CUL3: variants seen among roughly 807,000 people sequenced by gnomAD.
The protein encoded by CUL3 is cullin-3.
A neutral mutation model predicts 89.1 loss-of-function variants in CUL3; 19 were observed. The observed-to-expected ratio is 0.21, with a 90% CI of 0.15 to 0.31. The LOEUF (loss-of-function observed/expected upper bound fraction) is 0.31, where lower values mean the gene tolerates loss of function less well. Ranked by LOEUF, CUL3 falls within the 10% of genes least tolerant of loss-of-function variation. The pLI, the probability that CUL3 is intolerant of heterozygous loss-of-function variation, is 1.00. For synonymous variants in CUL3, 351 were observed against 308.4 expected (o/e 1.14, Z -1.45); for missense variants, 469 against 942.3 (o/e 0.50, Z 6.58).
intron 2 of CUL3, 140 bp downstream of exon 2, chr2:224,557,519 C>T: frequency 2.0e-6 from 1 of 495,624 alleles, no homozygotes; most frequent in East Asian, 3.1e-5. Context: ...TTCATGAGTG[C>T]TTATTAACAG....
In CUL3 at chr2:224,473,202, G is replaced by GTCA. The variant is rs879260680; in HGVS notation, c.*1040_*1042dup. On this transcript the variant is annotated 3_prime_UTR_variant, in exon 16 of 16. Transcript: ENST00000264414. ...TGAAGATTTCATTAAAACTATCAAGGTCATCATATTTATTGCATCTTTAGA... is the reference window on the plus strand; with the variant it reads ...TGAAGATTTCATTAAAACTATCAAGGTCATCATCATATTTATTGCATCTTTAGA... 1 of 195,246 alleles carries GTCA rather than the reference G, an allele frequency of 5.1e-6. No homozygotes were observed. Among genetic ancestry groups the GTCA allele is most frequent in the Non-Finnish European group, 1.1e-5 (1 of 93,634 alleles). The allele number at this position is 195,246 out of a possible 1,614,324, so 12.1% of individuals were successfully genotyped here.
chr2:224,513,417 C>T (rs751173222), intron 5 of CUL3, 107 bp downstream of exon 5: 9 of 748,072 alleles, frequency 1.2e-5, no homozygotes, highest in Non-Finnish European at 1.5e-5. Context: ...ACTCCCCTCC[C>T]TTAATGGGTC....
intron 1 of CUL3, among the ~76,000 whole-genome samples, chr2:224,567,846 T>A (rs577393740): frequency 5.3e-5 from 8 of 151,978 alleles, no homozygotes; most frequent in African/African-American, 1.9e-4. Context: ...AAAATAAACA[T>A]AGGCACACCA....
intron 15 of CUL3, 133 bp from the exon 16 acceptor site, chr2:224,474,509 A>C: frequency 1.4e-6 from 1 of 707,954 alleles, no homozygotes; most frequent in Non-Finnish European, 2.3e-6. Context: ...AAGCACAGAA[A>C]CTTTAAAAAG....
chr2:224,473,992 A>G lies in CUL3; in HGVS notation c.*253T>C, dbSNP rs1574604571. ...CTGTTTTCATACAGTAAAGAAAACA[A>G]AACGCAGCACATTCACATTTTCCCG... On this transcript the variant is annotated 3_prime_UTR_variant, in exon 16 of 16. Coordinates refer to ENST00000264414, the MANE Select transcript of CUL3 (RefSeq NM_003590.5). 1 of 314,800 alleles carries G rather than the reference A, an allele frequency of 3.2e-6. No homozygotes were observed. Among genetic ancestry groups the G allele is most frequent in the East Asian group, 4.7e-5 (1 of 21,462 alleles). 19.5% of individuals were successfully genotyped at this position (314,800 alleles called of 1,614,324 possible).
At chr2:224,508,961 C>A (rs868211033) in intron 6 of CUL3, among the ~76,000 whole-genome samples, 188 of 112,844 alleles carry the variant, frequency 1.7e-3, no homozygotes, top group East Asian at 4.4e-3. Flanking sequence ...GACTTCGTCT[C>A]AAAAAAAAAA....
At chr2:224,496,058 T>C (rs1260714429) in intron 12 of CUL3, 92 bp from the exon 13 acceptor site, 1 of 1,372,088 alleles carries the variant, frequency 7.3e-7, no homozygotes, top group East Asian at 2.4e-5. Context: ...TGTTACAGGG[T>C]CTCACTTTGT....
At chr2:224,511,698 G>A (rs1692832994) in intron 5 of CUL3, 116 bp from the exon 6 acceptor site, 1 of 580,886 alleles carries the variant, frequency 1.7e-6, no homozygotes, top group Non-Finnish European at 2.9e-6. Flanking sequence ...AGTACTATTA[G>A]CATTTTGTGT....
chr2:224,477,170 G>GA (rs1473507898), intron 15 of CUL3, among the ~76,000 whole-genome samples: 4 of 151,998 alleles, frequency 2.6e-5, no homozygotes, highest in Non-Finnish European at 4.4e-5. Context: ...TCTCAAATTT[G>GA]AAAAAACATC....
At position 224,470,627 on chromosome 2, in the gene CUL3, T is replaced by A. The variant is rs1230975835; in HGVS notation, c.*3618A>T. 8.6e-6 allele frequency: 2 copies of A among 231,834 alleles called. No homozygotes were observed. Among genetic ancestry groups the A allele is most frequent in the Non-Finnish European group, 1.7e-5 (2 of 117,264 alleles). 14.4% of individuals were successfully genotyped at this position (231,834 alleles called of 1,614,324 possible). On this transcript the variant is annotated 3_prime_UTR_variant, in exon 16 of 16. Transcript: ENST00000264414. The stretch of plus-strand genomic sequence containing the variant: ...CCTATCTGTGGTACCCACTTAAGTA[T>A]GTAAAACTTTCTCTAAGATTGTAGG...
At chr2:224,502,930 T>A in intron 10 of CUL3, 35 bp downstream of exon 10, 1 of 1,463,426 alleles carries the variant, frequency 6.8e-7, no homozygotes, top group Non-Finnish European at 9.6e-7. Context: ...AGACTTTACA[T>A]GAATATCTAA....
chr2:224,557,963 GAT>G (rs1694776518), intron 1 of CUL3, 107 bp from the exon 2 acceptor site: 3 of 614,944 alleles, frequency 4.9e-6, no homozygotes, highest in African/African-American at 1.9e-5. Context: ...GTATTATATA[GAT>G]ATGATTATAA....
chr2:224,540,369 T>C (rs1222343852), intron 2 of CUL3, among the ~76,000 whole-genome samples: 1 of 151,514 alleles, frequency 6.6e-6, no homozygotes, highest in Non-Finnish European at 1.5e-5. Flanking sequence ...TTTGGTGTTA[T>C]TCTGAAAACG....
intron 2 of CUL3, among the ~76,000 whole-genome samples, chr2:224,547,057 T>C (rs1694330748): frequency 6.6e-6 from 1 of 152,118 alleles, no homozygotes; most frequent in Non-Finnish European, 1.5e-5. Flanking sequence ...CCAGCAACTT[T>C]TAAGTTAAAC....
chr2:224,475,463 T>C (rs1330236995), intron 15 of CUL3, among the ~76,000 whole-genome samples: 3 of 152,232 alleles, frequency 2.0e-5, no homozygotes, highest in African/African-American at 7.2e-5. Context: ...AAAGTCCATG[T>C]TCTTTGCTCT....
At chr2:224,552,383 G>A (rs1178328343) in intron 2 of CUL3, among the ~76,000 whole-genome samples, 1 of 152,140 alleles carries the variant, frequency 6.6e-6, no homozygotes, top group African/African-American at 2.4e-5. Context: ...AAATTCCTAT[G>A]GGTGTCAGTT....
At chr2:224,493,838 A>C (rs1393564824) in intron 13 of CUL3, among the ~76,000 whole-genome samples, 1 of 152,196 alleles carries the variant, frequency 6.6e-6, no homozygotes. Context: ...TGTTAGAGAT[A>C]ATTTAATTCC....
chr2:224,494,898 A>G (rs1032468181), intron 13 of CUL3: 3 of 152,166 alleles, frequency 2.0e-5, no homozygotes, highest in Non-Finnish European at 2.9e-5. Context: ...GGACTTTTTC[A>G]GTATTTTAAA....
intron 1 of CUL3, among the ~76,000 whole-genome samples, chr2:224,574,853 G>A (rs1695264029): frequency 1.3e-5 from 2 of 152,196 alleles, no homozygotes; most frequent in Admixed American, 1.3e-4. Flanking sequence ...GAGTCTGTTA[G>A]TTCCTTTATT....
Sources: gnomAD v4.1 joint callset for allele counts (sites outside exome capture counted in the v4.1 genomes callset) on GRCh38, gnomAD v4.1.1 for gene constraint, MANE v1.5 for transcripts, NCBI Gene and HGNC (gene_info 2026-07-23, HGNC 2026-07-21) for gene names.